The following SLC37A3 variants were observed in gnomAD, a reference collection of about 807,000 sequenced individuals.
SLC37A3 encodes the protein sugar phosphate exchanger 3.
Under a neutral mutation model 67.1 loss-of-function variants are expected in SLC37A3, and 51 were observed. The observed-to-expected ratio is 0.76, with a 90% confidence interval of 0.61 to 0.96. The LOEUF is 0.96. Ranked by LOEUF, SLC37A3 falls within the 40% of genes least tolerant of loss-of-function variation. The probability of loss-of-function intolerance (pLI) is 0.00; values close to 1 mark genes in which losing one functional copy is unlikely to be tolerated. For missense variants in SLC37A3, 508 were observed against 603.0 expected (o/e 0.84, Z 1.65); for synonymous variants, 214 against 231.4 (o/e 0.92, Z 0.68).
Position 140,380,302 on chromosome 7 carries a change from A to C in SLC37A3, c.178T>G (p.Ser60Ala). 1 of 1,612,580 alleles carries C rather than the reference A, an allele frequency of 6.2e-7. No individual in the cohort carries two copies. Among genetic ancestry groups the C allele is most frequent in the Non-Finnish European group, 8.5e-7 (1 of 1,178,770 alleles). ...EQWTPSAFNT[S>A]VELPVEIWSS... ...CTTACCTCCACAGGCAGCTCAACTGACGTGTTAAAAGCACTTGGGGTCCAC... is the reference window on the plus strand; with the variant it reads ...CTTACCTCCACAGGCAGCTCAACTGCCGTGTTAAAAGCACTTGGGGTCCAC... The change falls in exon 3 of 15, where the codon TCA becomes GCA. Residue 60 changes from serine (S) to alanine (A), a missense_variant. Physicochemically the swap from Ser to Ala is moderately conservative, Grantham distance 99. Coordinates refer to ENST00000326232, the MANE Select transcript of SLC37A3 (RefSeq NM_207113.3).
intron 6 of SLC37A3, among the ~76,000 whole-genome samples, chr7:140,356,385 C>G (rs547143635): frequency 6.6e-6 from 1 of 151,836 alleles, no homozygotes; most frequent in African/African-American, 2.4e-5. Context: ...AAGAAGCACA[C>G]GAAAAAACAC....
At chr7:140,366,029 C>T (rs1265035253) in intron 4 of SLC37A3, among the ~76,000 whole-genome samples, 2 of 140,322 alleles carry the variant, frequency 1.4e-5, no homozygotes, top group African/African-American at 5.4e-5. Flanking sequence ...CCTCTGTCTC[C>T]TAGGTTCGAG....
intron 1 of SLC37A3, among the ~76,000 whole-genome samples, chr7:140,394,910 A>C (rs1019050886): frequency 7.3e-5 from 11 of 151,624 alleles, no homozygotes; most frequent in Non-Finnish European, 1.6e-4. Flanking sequence ...CCCAGCCCTC[A>C]TAAAATTTTT....
rs534662926 is a variant in SLC37A3 at position 140,377,403 on chromosome 7, A to G, written c.198+2879T>C. On this transcript the variant is annotated intron_variant, in intron 3 of 14. Transcript: ENST00000326232. Reference sequence around the variant, plus strand: ...ATTCTCCTTCCTTCTCCTGGAGATAATTTTAGATTCTCTAGCACTATTCTC... The same window carrying G: ...ATTCTCCTTCCTTCTCCTGGAGATAGTTTTAGATTCTCTAGCACTATTCTC... Among the ~76,000 whole-genome samples the G allele has an allele frequency of 3.9e-5, 6 of 152,232 alleles. 1 individual carries two copies. Among genetic ancestry groups the G allele is most frequent in the African/African-American group, 1.4e-4 (6 of 41,556 alleles).
intron 10 of SLC37A3, 109 bp downstream of exon 10, chr7:140,348,517 T>C: frequency 1.6e-6 from 2 of 1,218,360 alleles, no homozygotes; most frequent in Non-Finnish European, 2.2e-6. Flanking sequence ...TTAGGGAAAA[T>C]GGCTGTAGAA....
chr7:140,382,927 G>T (rs1247262796), intron 1 of SLC37A3, among the ~76,000 whole-genome samples: 1 of 152,080 alleles, frequency 6.6e-6, no homozygotes, highest in Non-Finnish European at 1.5e-5. Context: ...AGAAATAAAA[G>T]TTCAATCCCA....
intron 10 of SLC37A3, 138 bp downstream of exon 10, chr7:140,348,488 T>G: frequency 1.2e-6 from 1 of 803,598 alleles, no homozygotes; most frequent in East Asian, 3.0e-5. Flanking sequence ...TGAGTTTGGC[T>G]GTTTACTAGT....
chr7:140,359,413 T>C (rs968071892), intron 5 of SLC37A3, among the ~76,000 whole-genome samples: 3 of 151,634 alleles, frequency 2.0e-5, no homozygotes, highest in Non-Finnish European at 4.4e-5. Context: ...ACTGTGCATG[T>C]GGAGGGAACA....
intron 3 of SLC37A3, among the ~76,000 whole-genome samples, chr7:140,372,860 C>T (rs1239905763): frequency 6.7e-6 from 1 of 148,916 alleles, no homozygotes; most frequent in Non-Finnish European, 1.5e-5. Flanking sequence ...GAGACTCTAT[C>T]TCAAAAAAAA....
chr7:140,362,587 G>A (rs1438446517), intron 5 of SLC37A3, among the ~76,000 whole-genome samples: 1 of 95,434 alleles, frequency 1.0e-5, no homozygotes, highest in Non-Finnish European at 2.4e-5. Context: ...GCCCCGTCCG[G>A]GAGGTGAGGG....
At chr7:140,395,747 C>A (rs1285958132) in intron 1 of SLC37A3, among the ~76,000 whole-genome samples, 1 of 151,916 alleles carries the variant, frequency 6.6e-6, no homozygotes, top group Non-Finnish European at 1.5e-5. Context: ...ACTAGCACAC[C>A]TAAACTCAGA....
At chr7:140,382,300 A>G (rs933097918) in intron 2 of SLC37A3, 138 bp downstream of exon 2, 1 of 706,782 alleles carries the variant, frequency 1.4e-6, no homozygotes, top group Admixed American at 2.8e-5. Context: ...ACGATATTAC[A>G]GCTATCAAGA....
rs2129790805 is a variant in SLC37A3 at position 140,380,323 on chromosome 7, T to C, written c.157A>G (p.Thr53Ala). ...ACTGACGTGTTAAAAGCACTTGGGG[T>C]CCACTGCTCAGAGATACTGACTTTG... Reference protein sequence around the residue: ...NVKVSISEQWTPSAFNTSVEL... With the variant: ...NVKVSISEQWAPSAFNTSVEL... The change falls in exon 3 of 15, where the codon ACC (threonine) becomes GCC (alanine). Residue 53 changes from threonine to alanine, a missense_variant. Physicochemically the swap from Thr to Ala is moderately conservative, Grantham distance 58. Coordinates refer to ENST00000326232, the MANE Select transcript of SLC37A3 (RefSeq NM_207113.3). The C allele has an allele frequency of 1.2e-6, 2 of 1,613,452 alleles. No individual in the cohort carries two copies. Among genetic ancestry groups the C allele is most frequent in the South Asian group, 2.2e-5 (2 of 91,076 alleles).
At chr7:140,337,250 T>G (rs182409947) in intron 14 of SLC37A3, 34 bp downstream of exon 14, 1 of 1,496,956 alleles carries the variant, frequency 6.7e-7, no homozygotes, top group African/African-American at 1.5e-5. Flanking sequence ...AACAGAAAAA[T>G]GACTTTTTTT....
chr7:140,355,762 C>T lies in SLC37A3; in HGVS notation c.524G>A (p.Arg175Gln). ...ACTCCAGAGACCAAAAACAACTCCT[C>T]GTCTAAGATGGAAAACAGTGGGAGA... ...VMGNWFGKAGRGVVFGLWSAC... is the reference protein window; with the variant it reads ...VMGNWFGKAGQGVVFGLWSAC... The change falls in exon 7 of 15, where the codon CGA becomes CAA. Residue 175 changes from arginine (R) to glutamine (Q), a missense_variant and splice_region_variant. Arg to Gln is a conservative substitution (Grantham distance 43). Coordinates refer to ENST00000326232, the MANE Select transcript of SLC37A3 (RefSeq NM_207113.3). 3.7e-6 allele frequency: 6 copies of T among 1,613,678 alleles called. No homozygotes were observed. Among genetic ancestry groups the T allele is most frequent in the Non-Finnish European group, 5.1e-6 (6 of 1,179,740 alleles).
In SLC37A3 at chr7:140,334,079, C is replaced by T. The variant is rs1175493933; in HGVS notation, c.*1333G>A. The T allele has an allele frequency of 4.6e-5, 7 of 152,258 alleles. No individual in the cohort carries two copies. Among genetic ancestry groups the T allele is most frequent in the Admixed American group, 1.3e-4 (2 of 15,292 alleles). The allele number at this position is 152,258 out of a possible 1,614,324, so 9.4% of individuals were successfully genotyped here. ...ATATACTCTACATTTTTCTAAAGAACGGACACCCCTCAGGCCCTAGTAATC... is the reference window on the plus strand; with the variant it reads ...ATATACTCTACATTTTTCTAAAGAATGGACACCCCTCAGGCCCTAGTAATC... On this transcript the variant is annotated 3_prime_UTR_variant, in exon 15 of 15. Transcript: ENST00000326232.
chr7:140,375,234 G>A (rs903033941), intron 3 of SLC37A3, among the ~76,000 whole-genome samples: 1 of 150,788 alleles, frequency 6.6e-6, no homozygotes, highest in Non-Finnish European at 1.5e-5. Flanking sequence ...CTTGGAAGGC[G>A]GGGGCGGGTG....
chr7:140,390,439 C>T (rs10452886), intron 1 of SLC37A3, among the ~76,000 whole-genome samples: 43,615 of 151,882 alleles, frequency 0.29, 7,047 homozygotes, highest in South Asian at 0.5. Flanking sequence ...TGCAATCTTC[C>T]CTCCCCCAAC....
chr7:140,395,304 G>A (rs1798875660), intron 1 of SLC37A3, among the ~76,000 whole-genome samples: 1 of 146,202 alleles, frequency 6.8e-6, no homozygotes, highest in African/African-American at 2.5e-5. Context: ...GAACCCGGGA[G>A]GCGGAGGCTG....
Sources: allele counts gnomAD v4.1 joint callset (sites outside exome capture counted in the v4.1 genomes callset), GRCh38; gene constraint gnomAD v4.1.1; transcripts MANE v1.5; gene names NCBI Gene and HGNC (gene_info 2026-07-23, HGNC 2026-07-21).